Variants in RASA3 observed in about 807,000 individuals in gnomAD.
RASA3 encodes the protein ras GTPase-activating protein 3.
In RASA3, 73 loss-of-function variants were observed where a neutral mutation model predicts 110.0. That is an observed-to-expected ratio of 0.66 (90% CI 0.55 to 0.81). The LOEUF is 0.81. Among genes scored for constraint, RASA3 ranks in the 30% least tolerant of loss-of-function variants. The pLI is 0.00. For synonymous variants in RASA3, 500 were observed against 451.4 expected, an observed-to-expected ratio of 1.11 and a Z score of -1.37; for missense variants, 976 against 1,113.2, an observed-to-expected ratio of 0.88 and a Z score of 1.75.
rs1016444320 is a variant in RASA3 at position 114,055,057 on chromosome 13, C to T, written c.174-2902G>A. Among the ~76,000 whole-genome samples, 6 of 151,138 alleles carry T rather than the reference C, an allele frequency of 4.0e-5. No homozygotes were observed. The East Asian group carries it at 5.8e-4, about 15-fold the overall frequency. ...GGGTGTGTGCATGCATGTGCCTGTACGTGTGTGCCCACAGGCACGTGTTTG... is the reference window on the plus strand; with the variant it reads ...GGGTGTGTGCATGCATGTGCCTGTATGTGTGTGCCCACAGGCACGTGTTTG... On this transcript the variant is annotated intron_variant, in intron 2 of 23. Coordinates refer to ENST00000334062, the MANE Select transcript of RASA3 (RefSeq NM_007368.4).
At chr13:114,001,366 G>C (rs920047348) in intron 18 of RASA3, among the ~76,000 whole-genome samples, 6 of 150,230 alleles carry the variant, frequency 4.0e-5, no homozygotes, top group Non-Finnish European at 8.9e-5. Flanking sequence ...ACAACATGGA[G>C]GACCCGCGGC....
At chr13:114,029,942 C>A in intron 4 of RASA3, 55 bp from the exon 5 acceptor site, 1 of 1,487,372 alleles carries the variant, frequency 6.7e-7, no homozygotes, top group Admixed American at 2.0e-5. Flanking sequence ...CCACAGGCCA[C>A]TAGGGCCGCG....
At chr13:113,979,739 CAA>C (rs2052864858) in intron 23 of RASA3, among the ~76,000 whole-genome samples, 1 of 152,284 alleles carries the variant, frequency 6.6e-6, no homozygotes, top group Admixed American at 6.5e-5. Context: ...ATCTGCACTG[CAA>C]AGAGTGTGCT....
rs1339863318 is a variant in RASA3, at chr13:114,114,814, A to G, written c.55+17621T>C. 6.6e-6 allele frequency among the ~76,000 whole-genome samples: 1 copy of G among 152,216 alleles called. No individual in the cohort carries two copies. The highest frequency in any genetic ancestry group is 1.9e-4 in the East Asian group (1 of 5,188). ...CAACCACCCGCCCTCATGTGCAGGGACAGGGCAGAGTCGTGACCAACAGTG... is the reference window on the plus strand; with the variant it reads ...CAACCACCCGCCCTCATGTGCAGGGGCAGGGCAGAGTCGTGACCAACAGTG... On this transcript the variant is annotated intron_variant, in intron 1 of 23. Transcript: ENST00000334062. This position sits in a 1 kb window ranked among gnomAD's most constrained non-coding sequence, Gnocchi z 4.8.
chr13:114,060,742 C>G (rs1455032265), intron 2 of RASA3, among the ~76,000 whole-genome samples: 1 of 152,256 alleles, frequency 6.6e-6, no homozygotes, highest in Non-Finnish European at 1.5e-5. Flanking sequence ...GCTGCGCTCG[C>G]CCGCGGTGGA....
At chr13:114,020,132 GAGGCATTAGCAGCCCT>G in intron 9 of RASA3, among the ~76,000 whole-genome samples, 1 of 51,468 alleles carries the variant, frequency 1.9e-5, no homozygotes, top group Non-Finnish European at 3.5e-5. Context: ...GCCTGTGTCC[GAGGCATTAGCAGCCCT>G]GTCAGGTGGG....
intron 1 of RASA3, among the ~76,000 whole-genome samples, chr13:114,128,446 C>T (rs2080477886): frequency 2.6e-5 from 4 of 152,244 alleles, no homozygotes; most frequent in South Asian, 4.1e-4. Flanking sequence ...GAGCTGGGCC[C>T]GGAGCCCTTA....
intron 21 of RASA3, 131 bp downstream of exon 21, chr13:113,996,399 AG>A: frequency 1.1e-6 from 1 of 927,330 alleles, no homozygotes; most frequent in Non-Finnish European, 1.6e-6. Flanking sequence ...GGCTCCTGGG[AG>A]GAGGCGAGGG....
chr13:114,098,271 T>G (rs2139724665), intron 1 of RASA3, among the ~76,000 whole-genome samples: 1 of 152,234 alleles, frequency 6.6e-6, no homozygotes, highest in South Asian at 2.1e-4. Context: ...GGCCATGCCC[T>G]CTACCCTGGG....
chr13:114,106,978 T>C (rs1243945792), intron 1 of RASA3, among the ~76,000 whole-genome samples: 1 of 152,202 alleles, frequency 6.6e-6, no homozygotes, highest in Non-Finnish European at 1.5e-5. Flanking sequence ...TTAACTCTTT[T>C]CCCTCCCTCA....
chr13:113,981,144 AC>A (rs1171701096), intron 23 of RASA3, among the ~76,000 whole-genome samples: 1 of 152,222 alleles, frequency 6.6e-6, no homozygotes, highest in Non-Finnish European at 1.5e-5. Context: ...TGAGGGTCTT[AC>A]AACCCTCTGT....
intron 1 of RASA3, among the ~76,000 whole-genome samples, chr13:114,079,068 GC>G (rs924570349): frequency 3.3e-5 from 5 of 152,222 alleles, no homozygotes; most frequent in Admixed American, 2.6e-4. Flanking sequence ...TCAGCTCAGC[GC>G]CCAGTGAAGA....
chr13:114,057,538 G>A lies in RASA3; in HGVS notation c.174-5383C>T. ...GATGATTTATTTAGGGAATAAGAAG[G>A]GCGATTCCAGGGACAGTGGAGGCCC... On this transcript the variant is annotated intron_variant, in intron 2 of 23. Coordinates refer to ENST00000334062, the MANE Select transcript of RASA3 (RefSeq NM_007368.4). This position sits in a 1 kb window ranked among gnomAD's most constrained non-coding sequence, Gnocchi z 5.0. The A allele has an allele frequency of 1.0e-6, 1 of 982,206 alleles. No homozygotes were observed. Among genetic ancestry groups the A allele is most frequent in the Non-Finnish European group, 1.2e-6 (1 of 827,034 alleles). 60.8% of individuals were successfully genotyped at this position (982,206 alleles called of 1,614,324 possible). A position where few individuals can be genotyped will look rare whatever the true frequency, so the allele number is the denominator to read the frequency against.
intron 9 of RASA3, 150 bp downstream of exon 9, chr13:114,021,254 C>T (rs1483551084): frequency 4.6e-6 from 3 of 658,212 alleles, no homozygotes; most frequent in East Asian, 5.4e-5. Context: ...AGCCAGAGCT[C>T]GTCAGAGCTA....
rs1028570729 is a variant in RASA3 at position 114,112,110 on chromosome 13, C to A, written c.55+20325G>T. Among the ~76,000 whole-genome samples the A allele has an allele frequency of 6.0e-5, 9 of 150,634 alleles. No individual in the cohort carries two copies. The highest frequency in any genetic ancestry group is 1.7e-4 in the African/African-American group (7 of 40,596). ...AGCAGCCCCCAGGCACCCCCCCCAGCAACTGGGACAAGGGCACACCAGGCT... is the reference window on the plus strand; with the variant it reads ...AGCAGCCCCCAGGCACCCCCCCCAGAAACTGGGACAAGGGCACACCAGGCT... On this transcript the variant is annotated intron_variant, in intron 1 of 23. Transcript: ENST00000334062. The surrounding 1 kb of genome is among the most constrained non-coding windows in gnomAD (Gnocchi z 4.8).
At chr13:114,058,569 T>G (rs2079285299) in intron 2 of RASA3, among the ~76,000 whole-genome samples, 1 of 152,244 alleles carries the variant, frequency 6.6e-6, no homozygotes, top group Non-Finnish European at 1.5e-5. Flanking sequence ...GAGGCCACCC[T>G]TGCTGGGACA....
intron 4 of RASA3, among the ~76,000 whole-genome samples, chr13:114,040,349 ATGG>A (rs2054373761): frequency 9.3e-6 from 1 of 107,816 alleles, no homozygotes; most frequent in African/African-American, 3.7e-5. Context: ...CCCAAAATCC[ATGG>A]CAGAGACCGC....
In RASA3 at chr13:114,089,822, G is replaced by A. The variant is rs9562113; in HGVS notation, c.56-15985C>T. Among the ~76,000 whole-genome samples the A allele has an allele frequency of 1.5e-3, 135 of 90,378 alleles. 1 individual carries two copies. The East Asian group carries it at 0.033, about 22-fold the overall frequency. 59.3% of individuals were successfully genotyped at this position (90,378 alleles called of 152,430 possible). On this transcript the variant is annotated intron_variant, in intron 1 of 23. Coordinates refer to ENST00000334062, the MANE Select transcript of RASA3 (RefSeq NM_007368.4). ...GAACGAAACCCACCCTCCTCCCCCAGCCCCCGGCAACCACGAGTCCACTCT... is the reference window on the plus strand; with the variant it reads ...GAACGAAACCCACCCTCCTCCCCCAACCCCCGGCAACCACGAGTCCACTCT...
chr13:114,003,729 G>A (rs910992271), intron 18 of RASA3, among the ~76,000 whole-genome samples: 1 of 152,084 alleles, frequency 6.6e-6, no homozygotes, highest in African/African-American at 2.4e-5. Context: ...CACAGCCTAT[G>A]CCCCTTCCTT....
Sources: allele counts gnomAD v4.1 joint callset (sites outside exome capture counted in the v4.1 genomes callset), GRCh38; gene constraint gnomAD v4.1.1; non-coding constraint Gnocchi (gnomAD v3.1); transcripts MANE v1.5; gene names NCBI Gene and HGNC (gene_info 2026-07-23, HGNC 2026-07-21).